BRD8: variants seen among roughly 807,000 people sequenced by gnomAD.
The protein encoded by BRD8 is bromodomain-containing protein 8.
In BRD8, 67 loss-of-function variants were observed where a neutral mutation model predicts 143.1. That is an observed-to-expected ratio of 0.47 (90% confidence interval 0.38 to 0.57). BRD8 has a LOEUF of 0.57. Ranked by LOEUF, BRD8 falls within the 20% of genes least tolerant of loss-of-function variation. BRD8 has a pLI of 0.00. For synonymous variants in BRD8, 505 were observed against 517.1 expected, an observed-to-expected ratio of 0.98 and a Z score of 0.32; for missense variants, 1,103 against 1,503.0, an observed-to-expected ratio of 0.73 and a Z score of 4.40.
intron 9 of BRD8, 197 bp downstream of exon 9, chr5:138,167,737 C>A (rs1047663343): frequency 1.8e-6 from 1 of 563,250 alleles, no homozygotes; most frequent in African/African-American, 1.9e-5. Flanking sequence ...TCAATCAGGG[C>A]TATCACTATC....
rs372472148 is a variant in BRD8 at position 138,177,561 on chromosome 5, G to T, written c.116+10C>A. The T allele has an allele frequency of 2.5e-5, 40 of 1,585,786 alleles. No homozygotes were observed. The highest frequency in any genetic ancestry group is 3.2e-5 in the Non-Finnish European group (37 of 1,156,130). ...AAGACCCAGAAAAGCTGACATCCTA[G>T]ATACCTTACCAATTTTGATCGCCAC... is the stretch of plus-strand genomic sequence containing the variant. On this transcript the variant is annotated intron_variant, in intron 2 of 26. Transcript: ENST00000254900.
At chr5:138,176,039 T>C (rs935603620) in intron 2 of BRD8, among the ~76,000 whole-genome samples, 2 of 151,996 alleles carry the variant, frequency 1.3e-5, no homozygotes, top group African/African-American at 4.8e-5. Flanking sequence ...TACACGAATG[T>C]GCACATCATC....
chr5:138,144,460 C>T (rs1408012557), intron 25 of BRD8, among the ~76,000 whole-genome samples: 2 of 152,330 alleles, frequency 1.3e-5, no homozygotes, highest in African/African-American at 2.4e-5. Context: ...GGACACAATA[C>T]TACAATCAAC....
At chr5:138,154,281 C>A (rs554007570) in intron 20 of BRD8, among the ~76,000 whole-genome samples, 1 of 152,324 alleles carries the variant, frequency 6.6e-6, no homozygotes, top group Admixed American at 6.5e-5. Context: ...CACATGTACA[C>A]CTCCTTATTC....
Position 138,145,789 on chromosome 5 carries a change from C to T in BRD8, c.3368G>A (p.Arg1123Lys). 1.2e-6 allele frequency: 2 copies of T among 1,613,514 alleles called. No individual in the cohort carries two copies. The highest frequency in any genetic ancestry group is 8.5e-7 in the Non-Finnish European group (1 of 1,179,480). Reference protein sequence around the residue: ...LPVWKMIASHRFSSPFLKPVS... With the variant: ...LPVWKMIASHKFSSPFLKPVS... ...TCCTATTACCACTTTGGAGACCTACCTGTGACTGGCAATCATCTTCCAGAC... is the reference window on the plus strand; with the variant it reads ...TCCTATTACCACTTTGGAGACCTACTTGTGACTGGCAATCATCTTCCAGAC... The change falls in exon 24 of 27, where the codon AGG (arginine) becomes AAG (lysine). Residue 1123 changes from arginine to lysine, a missense_variant and splice_region_variant. By Grantham distance (26) the Arg-to-Lys change is conservative. Around this residue, in one of 7 missense-constraint regions of BRD8, gnomAD observed 369 missense variants for 445.5 expected, o/e 0.83. Transcript: ENST00000254900.
intron 23 of BRD8, among the ~76,000 whole-genome samples, chr5:138,147,765 G>T (rs531352198): frequency 1.2e-3 from 179 of 152,172 alleles, no homozygotes; most frequent in South Asian, 2.7e-3. Context: ...ATGAAACCCT[G>T]TCTCTAACAA....
rs779419414 is a variant in BRD8, at chr5:138,161,090, A to G, written c.2250-22T>C. On this transcript the variant is annotated intron_variant, in intron 17 of 26. Coordinates refer to ENST00000254900, the MANE Select transcript of BRD8 (RefSeq NM_139199.2). Reference sequence around the variant, plus strand: ...AGGCCTAAAAAAAAAGAACAGGGGTAAGTAGCAGTGGGGATGGAAAGAGGA... The same window carrying G: ...AGGCCTAAAAAAAAAGAACAGGGGTGAGTAGCAGTGGGGATGGAAAGAGGA... 49 of 1,592,112 alleles carry G rather than the reference A, an allele frequency of 3.1e-5. No homozygotes were observed. The East Asian group carries it at 1.1e-3, about 34-fold the overall frequency.
At chr5:138,149,452 T>C (rs563790076) in intron 23 of BRD8, among the ~76,000 whole-genome samples, 188 bp downstream of exon 23, 3 of 152,136 alleles carry the variant, frequency 2.0e-5, no homozygotes, top group Non-Finnish European at 2.9e-5. Context: ...TTAAACATAT[T>C]TGTTTTATAA....
rs149128254 is a variant in BRD8, at chr5:138,177,636, C to T, written c.51G>A (p.Glu17=). Residue 17 remains glutamate, a synonymous_variant, in exon 2 of 27, where the codon GAG becomes GAA. Transcript: ENST00000254900. ...ATAGCTTCTCTCGGATGGACCATGG[C>T]TCTGTGGGGCCAGTGCTTAGCAGCT... is the stretch of plus-strand genomic sequence containing the variant. ...KHKLLSTGPT[E]PWSIREKLCL... is the part of the protein sequence containing the mutation. 3.7e-6 allele frequency: 6 copies of T among 1,608,358 alleles called. No homozygotes were observed. The highest frequency in any genetic ancestry group is 1.7e-5 in the Admixed American group (1 of 59,382).
chr5:138,155,413 C>A (rs988130016), intron 20 of BRD8, among the ~76,000 whole-genome samples: 2 of 148,876 alleles, frequency 1.3e-5, no homozygotes, highest in African/African-American at 5.0e-5. Flanking sequence ...TGCGCCATTG[C>A]ACTCCAGCCT....
At chr5:138,170,172 G>GC (rs1229407620) in intron 7 of BRD8, among the ~76,000 whole-genome samples, 173 bp downstream of exon 7, 1 of 152,162 alleles carries the variant, frequency 6.6e-6, no homozygotes, top group Non-Finnish European at 1.5e-5. Context: ...TGAGCACAAC[G>GC]CATGTTCTAG....
At chr5:138,161,982 C>CA (rs1196461884) in intron 16 of BRD8, 72 bp downstream of exon 16, 26 of 1,572,554 alleles carry the variant, frequency 1.7e-5, no homozygotes, top group Non-Finnish European at 2.0e-5. Context: ...GAAGCCTACT[C>CA]AGACTTTTTT....
At chr5:138,153,393 C>G (rs1284968694) in intron 20 of BRD8, among the ~76,000 whole-genome samples, 3 of 152,060 alleles carry the variant, frequency 2.0e-5, no homozygotes, top group Non-Finnish European at 2.9e-5. Flanking sequence ...CTTCTATGTT[C>G]ATGCTTGGTC....
chr5:138,160,402 A>G (rs899849714), intron 18 of BRD8, among the ~76,000 whole-genome samples: 10 of 152,206 alleles, frequency 6.6e-5, no homozygotes, highest in African/African-American at 2.4e-4. Context: ...CAAAATCTCT[A>G]TCCTCCAGGA....
intron 25 of BRD8, among the ~76,000 whole-genome samples, chr5:138,144,290 G>A (rs1357795454): frequency 6.6e-6 from 1 of 152,092 alleles, no homozygotes; most frequent in Non-Finnish European, 1.5e-5. Context: ...AACTCAGCGA[G>A]ACCACAAACC....
At chr5:138,165,726 CA>C (rs374362323) in intron 11 of BRD8, 101 bp downstream of exon 11, 197,932 of 929,102 alleles carry the variant, frequency 0.21, 12 homozygotes, top group East Asian at 0.23. Flanking sequence ...ACTCTGTCTC[CA>C]AAAAAAAAAA....
At chr5:138,148,754 T>G (rs1752266188) in intron 23 of BRD8, among the ~76,000 whole-genome samples, 2 of 152,072 alleles carry the variant, frequency 1.3e-5, no homozygotes, top group African/African-American at 4.8e-5. Flanking sequence ...TAAAATCTAT[T>G]TTAATATTTT....
chr5:138,140,136 C>T lies in BRD8; in HGVS notation c.3646G>A (p.Gly1216Ser), dbSNP rs776950372. 1 of 1,613,866 alleles carries T rather than the reference C, an allele frequency of 6.2e-7. No individual in the cohort carries two copies. The highest frequency in any genetic ancestry group is 8.5e-7 in the Non-Finnish European group (1 of 1,179,782). Residue 1216 changes from glycine to serine, a missense_variant, in exon 27 of 27, where the codon GGC becomes AGC. By Grantham distance (56) the Gly-to-Ser change is moderately conservative. Coordinates refer to ENST00000254900, the MANE Select transcript of BRD8 (RefSeq NM_139199.2). Reference protein sequence around the residue: ...VLNIWLDKRKGSSSLEGEPAN... With the variant: ...VLNIWLDKRKSSSSLEGEPAN... Reference sequence around the variant, plus strand: ...GGTTCTCCTTCCAGACTACTTGAGCCTTTTCTTTTGTCTAACCAGATATTC... The same window carrying T: ...GGTTCTCCTTCCAGACTACTTGAGCTTTTTCTTTTGTCTAACCAGATATTC...
intron 2 of BRD8, among the ~76,000 whole-genome samples, chr5:138,174,216 T>C: frequency 6.6e-6 from 1 of 152,138 alleles, no homozygotes; most frequent in East Asian, 1.9e-4. Flanking sequence ...CATTCATCTG[T>C]TAATGGATAC....
Sources: gnomAD v4.1 joint callset for allele counts (sites outside exome capture counted in the v4.1 genomes callset) on GRCh38, gnomAD v4.1.1 for gene constraint, gnomAD v4.1.1 regional missense constraint, MANE v1.5 for transcripts, NCBI Gene and HGNC (gene_info 2026-07-23, HGNC 2026-07-21) for gene names.